The following ORC1 variants were observed in gnomAD, a reference collection of about 807,000 sequenced individuals.
The protein encoded by ORC1 is origin recognition complex, subunit 1 homolog.
A neutral mutation model predicts 98.9 loss-of-function variants in ORC1; 61 were observed. The ratio of observed to expected loss-of-function variants is 0.62; its 90% CI spans 0.50 to 0.76. The LOEUF (loss-of-function observed/expected upper bound fraction) is 0.76. ORC1 is among the 30% of genes least tolerant of loss of function. The pLI is 0.00. For synonymous variants in ORC1, 385 were observed against 406.9 expected, an observed-to-expected ratio of 0.95 and a Z score of 0.65; for missense variants, 979 against 1,072.2, an observed-to-expected ratio of 0.91 and a Z score of 1.21.
At chr1:52,383,382 A>C in intron 13 of ORC1, 38 bp downstream of exon 13, 1 of 1,611,088 alleles carries the variant, frequency 6.2e-7, no homozygotes, top group Non-Finnish European at 8.5e-7. Context: ...AAGCTTACAG[A>C]TCTGCAAGAA....
intron 5 of ORC1, 94 bp from the exon 6 acceptor site, chr1:52,393,897 TA>T (rs1358212602): frequency 3.0e-6 from 4 of 1,311,946 alleles, no homozygotes; most frequent in Non-Finnish European, 4.3e-6. Context: ...GAGTTATATG[TA>T]AAACAGGAAT....
At chr1:52,401,695 G>C (rs1215883804) in intron 2 of ORC1, among the ~76,000 whole-genome samples, 2 of 152,020 alleles carry the variant, frequency 1.3e-5, no homozygotes, top group Non-Finnish European at 2.9e-5. Flanking sequence ...TGAATCCAAA[G>C]GTCTTATTAG....
upstream of ORC1, chr1:52,404,532 T>C: frequency 6.0e-6 from 3 of 496,672 alleles, no homozygotes; most frequent in South Asian, 6.9e-5. Context: ...GAGGGGCGCA[T>C]GACGTACATC....
chr1:52,382,441 C>T (rs553504836), intron 13 of ORC1, among the ~76,000 whole-genome samples: 1 of 152,332 alleles, frequency 6.6e-6, no homozygotes, highest in East Asian at 1.9e-4. Context: ...CTTCACTTAC[C>T]AGGCTCTTCA....
Position 52,388,470 on chromosome 1 carries a change from T to G in ORC1, c.1355A>C (p.His452Pro). Residue 452 changes from histidine to proline, a missense_variant, in exon 8 of 17, where the codon CAT becomes CCT. Physicochemically the swap from His to Pro is moderately conservative, Grantham distance 77. Coordinates refer to ENST00000371568, the MANE Select transcript of ORC1 (RefSeq NM_004153.4). ...CTTCTTTGGCACCTTCGTGAGGGTATGTAAGGATGACTTCAAGGAAGATCG... is the reference window on the plus strand; with the variant it reads ...CTTCTTTGGCACCTTCGTGAGGGTAGGTAAGGATGACTTCAAGGAAGATCG... ...NLRSSLKSSL[H>P]TLTKVPKKSL... The G allele has an allele frequency of 6.2e-7, 1 of 1,614,106 alleles. No homozygotes were observed. Among genetic ancestry groups the G allele is most frequent in the Non-Finnish European group, 8.5e-7 (1 of 1,179,990 alleles).
Position 52,381,729 on chromosome 1 carries a change from T to C in ORC1, c.2046A>G (p.Thr682=), listed in dbSNP as rs758232215. The C allele has an allele frequency of 8.7e-6, 14 of 1,613,496 alleles. No individual in the cohort carries two copies. Among genetic ancestry groups the C allele is most frequent in the Non-Finnish European group, 1.1e-5 (13 of 1,179,678 alleles). The change falls in exon 14 of 17, where the codon ACA becomes ACG. Residue 682 remains threonine (T), a synonymous_variant. Coordinates refer to ENST00000371568, the MANE Select transcript of ORC1 (RefSeq NM_004153.4). ...GLTRMCFQPY[T]YSQLQQILRS... The stretch of plus-strand genomic sequence containing the variant: ...TTAGGATCTGCTGCAGCTGGCTATA[T>C]GTATAGGGCTGGAAGCACATCCTGG...
In ORC1 at chr1:52,404,241, C is replaced by CTCACCCGGCTCCAAAGCT. The variant is rs1557589150; in HGVS notation, c.-19_-6+4dup. ...CCCTCGCAGCCCGCTGGACGCCACA[C>CTCACCCGGCTCCAAAGCT]TCACCCGGCTCCAAAGCTTCCTCCG... On this transcript the variant is annotated splice_donor_region_variant and intron_variant, in intron 1 of 16. Coordinates refer to ENST00000371568, the MANE Select transcript of ORC1 (RefSeq NM_004153.4). 6.3e-6 allele frequency: 1 copy of CTCACCCGGCTCCAAAGCT among 158,002 alleles called. No homozygotes were observed. The highest frequency in any genetic ancestry group is 1.4e-5 in the Non-Finnish European group (1 of 70,748). 9.8% of individuals were successfully genotyped at this position (158,002 alleles called of 1,614,324 possible). A position where few individuals can be genotyped will look rare whatever the true frequency, so the allele number is the denominator to read the frequency against.
chr1:52,375,720 G>C, intron 14 of ORC1, 121 bp from the exon 15 acceptor site: 1 of 858,704 alleles, frequency 1.2e-6, no homozygotes. Flanking sequence ...CAGGGAACCT[G>C]GAGGAAGAAT....
chr1:52,404,815 G>A, upstream of ORC1: 1 of 1,614,242 alleles, frequency 6.2e-7, no homozygotes, highest in Non-Finnish European at 8.5e-7. Flanking sequence ...ATCTGGTGGA[G>A]AAGATCATTC....
rs552094777 is a variant in ORC1, at chr1:52,396,361, T to A, written c.406A>T (p.Ile136Leu). The part of the protein sequence containing the change: ...AETIIGLVRV[I>L]PLAPKDVVPT... ...ACCACATCCTTTGGGGCTAAAGGTA[T>A]CACCTGAATTTAGGAAGTATAGATA... The change falls in exon 5 of 17, where the codon ATA becomes TTA. Residue 136 changes from isoleucine (I) to leucine (L), a missense_variant. Ile to Leu is a conservative substitution (Grantham distance 5). Transcript: ENST00000371568. 6.2e-7 allele frequency: 1 copy of A among 1,614,020 alleles called. No homozygotes were observed. Among genetic ancestry groups the A allele is most frequent in the Admixed American group, 1.7e-5 (1 of 59,998 alleles).
rs3087471 is a variant in ORC1, at chr1:52,372,950, G to A, written c.*231C>T. Reference sequence around the variant, plus strand: ...AATCAGATGCTTTGTAGACTAGCTTGGCAACATGGTGAAGCCCTGTCTCTA... The same window carrying A: ...AATCAGATGCTTTGTAGACTAGCTTAGCAACATGGTGAAGCCCTGTCTCTA... On this transcript the variant is annotated 3_prime_UTR_variant, in exon 17 of 17. Coordinates refer to ENST00000371568, the MANE Select transcript of ORC1 (RefSeq NM_004153.4). 11,053 of 535,180 alleles carry A rather than the reference G, an allele frequency of 0.021. 491 individuals are homozygous for A. The highest frequency in any genetic ancestry group is 0.13 in the African/African-American group (6,585 of 52,604). 33.2% of individuals were successfully genotyped at this position (535,180 alleles called of 1,614,324 possible). A position where few individuals can be genotyped will look rare whatever the true frequency, so the allele number is the denominator to read the frequency against.
chr1:52,406,908 C>A (rs1374568260), upstream of ORC1, among the ~76,000 whole-genome samples: 1 of 152,230 alleles, frequency 6.6e-6, no homozygotes, highest in East Asian at 1.9e-4. Context: ...AGTTCATATT[C>A]TTTGCTACAG....
chr1:52,385,737 G>A, intron 9 of ORC1, 115 bp downstream of exon 9: 1 of 758,206 alleles, frequency 1.3e-6, no homozygotes, highest in Non-Finnish European at 2.4e-6. Context: ...TAAAAGTATA[G>A]ACACACAGTG....
At chr1:52,392,799 C>T (rs1647250482) in intron 6 of ORC1, among the ~76,000 whole-genome samples, 1 of 152,118 alleles carries the variant, frequency 6.6e-6, no homozygotes, top group Non-Finnish European at 1.5e-5. Context: ...AGTGAAGTGA[C>T]TTGGAAATGG....
chr1:52,408,802 TTGTTACTG>T (rs1289341297), upstream of ORC1: 1 of 1,310,842 alleles, frequency 7.6e-7, no homozygotes, highest in African/African-American at 1.5e-5. Flanking sequence ...TTCATCTACA[TTGTTACTG>T]TCTCTATGCA....
intron 5 of ORC1, among the ~76,000 whole-genome samples, chr1:52,395,656 T>A (rs1442195932): frequency 6.6e-6 from 1 of 151,986 alleles, no homozygotes; most frequent in South Asian, 2.1e-4. Flanking sequence ...CTACAAAAAA[T>A]TAAAATAAAA....
upstream of ORC1, among the ~76,000 whole-genome samples, chr1:52,407,926 C>T (rs2147954877): frequency 6.6e-6 from 1 of 152,360 alleles, no homozygotes; most frequent in South Asian, 2.1e-4. Context: ...TGTGTTGGCA[C>T]ATGCCTATAA....
At chr1:52,401,173 C>T (rs1298653973) in intron 3 of ORC1, among the ~76,000 whole-genome samples, 189 bp downstream of exon 3, 2 of 152,036 alleles carry the variant, frequency 1.3e-5, no homozygotes, top group African/African-American at 2.4e-5. Context: ...CTTCCAGTTC[C>T]GTTTTACTCA....
At chr1:52,399,775 CCA>C (rs1207479491) in intron 3 of ORC1, among the ~76,000 whole-genome samples, 1 of 151,702 alleles carries the variant, frequency 6.6e-6, no homozygotes, top group Non-Finnish European at 1.5e-5. Context: ...CCACTGCACT[CCA>C]GTCTGGGTGA....
Sources: allele counts gnomAD v4.1 joint callset (sites outside exome capture counted in the v4.1 genomes callset), GRCh38; gene constraint gnomAD v4.1.1; transcripts MANE v1.5; gene names NCBI Gene and HGNC (gene_info 2026-07-23, HGNC 2026-07-21).